RANGAP1: variants seen among roughly 807,000 people sequenced by gnomAD.
RANGAP1 encodes Ran GTPase activating protein 1.
A neutral mutation model predicts 63.5 loss-of-function variants in RANGAP1; 38 were observed. That is an observed-to-expected ratio of 0.60 (90% CI 0.46 to 0.78). The LOEUF is 0.78. Ranked by LOEUF, RANGAP1 falls within the 30% of genes least tolerant of loss-of-function variation. The pLI, the probability that RANGAP1 is intolerant of heterozygous loss-of-function variation, is 0.00. For synonymous variants in RANGAP1, 329 were observed against 310.5 expected, an observed-to-expected ratio of 1.06 and a Z score of -0.63; for missense variants, 630 against 740.3, an observed-to-expected ratio of 0.85 and a Z score of 1.73.
intron 3 of RANGAP1, 98 bp downstream of exon 3, chr22:41,274,502 C>T (rs1055712692): frequency 4.6e-6 from 7 of 1,535,690 alleles, no homozygotes; most frequent in Admixed American, 3.7e-5. Flanking sequence ...GCCACACAGG[C>T]AGGGGCCTGG....
the RANGAP1 span, among the ~76,000 whole-genome samples, chr22:41,298,692 G>C: frequency 1.3e-5 from 2 of 151,890 alleles, no homozygotes; most frequent in Non-Finnish European, 2.9e-5. Flanking sequence ...GCAGAGTTAG[G>C]GTTTTGTCAT....
At chr22:41,271,169 T>C (rs889121741) in intron 3 of RANGAP1, among the ~76,000 whole-genome samples, 28 of 151,052 alleles carry the variant, frequency 1.9e-4, no homozygotes, top group African/African-American at 6.6e-4. Flanking sequence ...GTGGGAAGAC[T>C]GCTTGAGCCT....
intron 6 of RANGAP1, among the ~76,000 whole-genome samples, 187 bp downstream of exon 6, chr22:41,261,259 C>G (rs1042835441): frequency 3.3e-5 from 5 of 152,216 alleles, no homozygotes; most frequent in African/African-American, 1.2e-4. Flanking sequence ...AAGTCACACA[C>G]CTTTCCAGAA....
chr22:41,274,111 G>A (rs2035002320), intron 3 of RANGAP1, among the ~76,000 whole-genome samples: 2 of 152,152 alleles, frequency 1.3e-5, no homozygotes, highest in Non-Finnish European at 1.5e-5. Context: ...CCTCTGCTGC[G>A]AGGAGTGTAG....
At chr22:41,269,487 C>CA (rs1259842871) in intron 3 of RANGAP1, among the ~76,000 whole-genome samples, 1 of 152,082 alleles carries the variant, frequency 6.6e-6, no homozygotes, top group East Asian at 1.9e-4. Context: ...GTAATCCCAG[C>CA]ACCTTGGGAG....
At position 41,253,170 on chromosome 22, in the gene RANGAP1, C is replaced by G. The variant is rs942164309; in HGVS notation, c.1261-179G>C. 1.1e-5 allele frequency: 7 copies of G among 653,806 alleles called. No individual in the cohort carries two copies. In the Admixed American group the frequency reaches 2.4e-4, roughly 22 times the overall value. 40.5% of individuals were successfully genotyped at this position (653,806 alleles called of 1,614,324 possible). A position where few individuals can be genotyped will look rare whatever the true frequency, so the allele number is the denominator to read the frequency against. ...CATCTATCAATATCACCCAGAGATG[C>G]TGGCCCTGGATGGCTCTTGGTCCAG... On this transcript the variant is annotated intron_variant, in intron 11 of 15. Transcript: ENST00000356244.
At position 41,249,603 on chromosome 22, in the gene RANGAP1, C is replaced by T. The variant is rs1169751189; in HGVS notation, c.1572+126G>A. 2.0e-6 allele frequency: 3 copies of T among 1,527,356 alleles called. No homozygotes were observed. In the African/African-American group the frequency reaches 4.1e-5, roughly 21 times the overall value. 94.6% of individuals were successfully genotyped at this position (1,527,356 alleles called of 1,614,324 possible). A position where few individuals can be genotyped will look rare whatever the true frequency, so the allele number is the denominator to read the frequency against. ...CAAGGCTGCTGGGGCAGACCCAGGC[C>T]TCGGGGCCCCGTGGGCGAGCCGGCT... On this transcript the variant is annotated intron_variant, in intron 14 of 15. Coordinates refer to ENST00000356244, the MANE Select transcript of RANGAP1 (RefSeq NM_002883.4).
At chr22:41,264,028 C>T (rs530337211) in intron 5 of RANGAP1, among the ~76,000 whole-genome samples, 16 of 152,214 alleles carry the variant, frequency 1.1e-4, no homozygotes, top group Non-Finnish European at 1.9e-4. Context: ...TTCTGTGTCC[C>T]CAGCCCTTTT....
chr22:41,286,426 C>T (rs1229088150), upstream of RANGAP1, among the ~76,000 whole-genome samples: 2 of 152,270 alleles, frequency 1.3e-5, no homozygotes, highest in Non-Finnish European at 2.9e-5. Flanking sequence ...TGGCTTCTGG[C>T]TCTTTCTCGC....
the RANGAP1 span, among the ~76,000 whole-genome samples, chr22:41,294,057 C>T: frequency 1.5e-4 from 21 of 136,746 alleles, no homozygotes; most frequent in Non-Finnish European, 2.9e-4. Flanking sequence ...CCTCTCCCCA[C>T]GGTCTCCCTC....
At chr22:41,255,980 T>C (rs765144898) in intron 10 of RANGAP1, 41 bp downstream of exon 10, 15 of 1,565,318 alleles carry the variant, frequency 9.6e-6, no homozygotes, top group Non-Finnish European at 8.8e-6. Flanking sequence ...AAGAAAGGAA[T>C]GGCCTGACCC....
rs557009492 is a variant in RANGAP1 at position 41,245,370 on chromosome 22, G to A, written c.*1233C>T. On this transcript the variant is annotated 3_prime_UTR_variant, in exon 16 of 16. Coordinates refer to ENST00000356244, the MANE Select transcript of RANGAP1 (RefSeq NM_002883.4). The stretch of plus-strand genomic sequence containing the variant: ...GTGGCTTCCATAGTGAAGGAGCAAC[G>A]CAGAAGCCAAGCGAGCTGCAGCCCA... Among the ~76,000 whole-genome samples the A allele has an allele frequency of 1.5e-4, 23 of 152,220 alleles. No individual in the cohort carries two copies. Among genetic ancestry groups the A allele is most frequent in the African/African-American group, 2.9e-4 (12 of 41,460 alleles).
At chr22:41,289,047 C>T (rs1054596284), upstream of RANGAP1, among the ~76,000 whole-genome samples, 10 of 151,356 alleles carry the variant, frequency 6.6e-5, no homozygotes, top group Admixed American at 2.0e-4. Flanking sequence ...CTCAGCCTCC[C>T]GAGTAGCTGG....
intron 2 of RANGAP1, among the ~76,000 whole-genome samples, chr22:41,274,983 A>G (rs761213026): frequency 8.5e-5 from 13 of 152,126 alleles, no homozygotes; most frequent in Non-Finnish European, 1.9e-4. Context: ...GGATGCTCAC[A>G]GCAAAGAAGA....
In RANGAP1 at chr22:41,257,085, C is replaced by G. The variant is rs949741218; in HGVS notation, c.775-261G>C. On this transcript the variant is annotated intron_variant, in intron 7 of 15. Coordinates refer to ENST00000356244, the MANE Select transcript of RANGAP1 (RefSeq NM_002883.4). This position sits in a 1 kb window ranked among gnomAD's most constrained non-coding sequence, Gnocchi z 4.0. ...CTGCTGAGCATCCGGGTCTTCCACACGTAAGCTGATCCCTCTGCCTGAAAC... is the reference window on the plus strand; with the variant it reads ...CTGCTGAGCATCCGGGTCTTCCACAGGTAAGCTGATCCCTCTGCCTGAAAC... Among the ~76,000 whole-genome samples the G allele has an allele frequency of 6.6e-6, 1 of 152,072 alleles. No individual in the cohort carries two copies. The highest frequency in any genetic ancestry group is 2.4e-5 in the African/African-American group (1 of 41,390).
At chr22:41,264,558 CA>C in intron 5 of RANGAP1, 105 bp downstream of exon 5, 1 of 1,363,790 alleles carries the variant, frequency 7.3e-7, no homozygotes, top group Non-Finnish European at 9.8e-7. Flanking sequence ...CTTTTGAAAA[CA>C]ACGGCTGACC....
chr22:41,289,165 TACCTC>T (rs2035807881), upstream of RANGAP1, among the ~76,000 whole-genome samples: 1 of 151,706 alleles, frequency 6.6e-6, no homozygotes, highest in Non-Finnish European at 1.5e-5. Context: ...GTGATCCACT[TACCTC>T]GGCCTCCCAA....
intron 2 of RANGAP1, chr22:41,277,517 G>C: frequency 2.5e-6 from 3 of 1,195,320 alleles, no homozygotes; most frequent in Non-Finnish European, 3.3e-6. Flanking sequence ...GATGGAGTAG[G>C]GTGACATGTG....
chr22:41,249,190 C>T (rs2033259278), intron 15 of RANGAP1, 140 bp downstream of exon 15: 1 of 1,215,460 alleles, frequency 8.2e-7, no homozygotes, highest in Non-Finnish European at 1.1e-6. Context: ...GCCCAGGAGG[C>T]ATGAGGGCCT....
Sources: allele counts gnomAD v4.1 joint callset (sites outside exome capture counted in the v4.1 genomes callset), GRCh38; gene constraint gnomAD v4.1.1; non-coding constraint Gnocchi (gnomAD v3.1); transcripts MANE v1.5; gene names NCBI Gene and HGNC (gene_info 2026-07-23, HGNC 2026-07-21).